The following ANO2 variants were observed in gnomAD, a reference collection of about 807,000 sequenced individuals.
The protein encoded by ANO2 is anoctamin 2, also known as anoctamin-2.
Under a neutral mutation model 124.2 loss-of-function variants are expected in ANO2, and 101 were observed. That is an observed-to-expected ratio of 0.81 (90% CI 0.69 to 0.96). The LOEUF is 0.96. Among genes scored for constraint, ANO2 ranks in the 40% least tolerant of loss-of-function variants. The pLI is 0.00. For missense variants in ANO2, 1,293 were observed against 1,274.5 expected, an observed-to-expected ratio of 1.01 and a Z score of -0.22; for synonymous variants, 486 against 482.5, an observed-to-expected ratio of 1.01 and a Z score of -0.09.
intron 14 of ANO2, among the ~76,000 whole-genome samples, chr12:5,712,894 T>C (rs1591970980): frequency 2.0e-5 from 3 of 152,142 alleles, no homozygotes; most frequent in Non-Finnish European, 2.9e-5. Context: ...AAGAGGCTCA[T>C]GTCAGGGAGT....
At chr12:5,603,944 C>CAAAAAAAAAA (rs63415160) in intron 19 of ANO2, among the ~76,000 whole-genome samples, 14 of 74,090 alleles carry the variant, frequency 1.9e-4, no homozygotes, top group Non-Finnish European at 3.1e-4. Context: ...GATTCCGTCT[C>CAAAAAAAAAA]AAAAAAAAAA....
chr12:5,874,653 T>C (rs2137286994), intron 3 of ANO2, among the ~76,000 whole-genome samples: 1 of 152,322 alleles, frequency 6.6e-6, no homozygotes, highest in African/African-American at 2.4e-5. Context: ...CCTTCTGGCA[T>C]CCGCTTCCCA....
At chr12:5,910,011 T>A (rs561469736) in intron 3 of ANO2, among the ~76,000 whole-genome samples, 38 of 152,334 alleles carry the variant, frequency 2.5e-4, no homozygotes, top group Admixed American at 2.0e-4. Flanking sequence ...ATCCAAATAG[T>A]TAAACATAAA....
chr12:5,624,141 A>G (rs1266312349), intron 16 of ANO2, among the ~76,000 whole-genome samples: 1 of 152,182 alleles, frequency 6.6e-6, no homozygotes, highest in Non-Finnish European at 1.5e-5. Flanking sequence ...GCAAAGGAGC[A>G]TGAGACCTAC....
intron 23 of ANO2, among the ~76,000 whole-genome samples, chr12:5,566,771 T>C (rs1941789280): frequency 6.6e-6 from 1 of 152,186 alleles, no homozygotes; most frequent in South Asian, 2.1e-4. Context: ...TTGAAGTGTG[T>C]GGCCAGAGTC....
chr12:5,644,686 A>G (rs529543791), intron 15 of ANO2, among the ~76,000 whole-genome samples: 25 of 152,342 alleles, frequency 1.6e-4, no homozygotes, highest in South Asian at 1.2e-3. Context: ...TTCTAAAACC[A>G]TGGTCTTCCA....
chr12:5,926,279 T>C (rs181173453), intron 1 of ANO2, among the ~76,000 whole-genome samples: 1 of 152,306 alleles, frequency 6.6e-6, no homozygotes. Context: ...GTGCCAGCTG[T>C]CAGCCTCCTT....
intron 12 of ANO2, among the ~76,000 whole-genome samples, 197 bp from the exon 13 acceptor site, chr12:5,739,596 T>TACACACACACAC (rs71064167): frequency 0.035 from 5,072 of 145,078 alleles, 135 homozygotes; most frequent in South Asian, 0.096. Flanking sequence ...ATAGATATGT[T>TACACACACACAC]ACACACACAC....
intron 19 of ANO2, among the ~76,000 whole-genome samples, chr12:5,600,015 A>G (rs757575267): frequency 2.0e-5 from 3 of 152,186 alleles, no homozygotes; most frequent in Non-Finnish European, 4.4e-5. Flanking sequence ...CTCCTAGGTG[A>G]AACATTTTTC....
At chr12:5,620,539 T>G (rs1468636767) in intron 16 of ANO2, among the ~76,000 whole-genome samples, 1 of 152,088 alleles carries the variant, frequency 6.6e-6, no homozygotes, top group African/African-American at 2.4e-5. Flanking sequence ...AGGGGCTAAA[T>G]TGGAATTCTA....
intron 20 of ANO2, among the ~76,000 whole-genome samples, chr12:5,579,023 G>C (rs538734368): frequency 7.9e-5 from 12 of 152,330 alleles, no homozygotes; most frequent in African/African-American, 2.9e-4. Context: ...AAGTGACTAG[G>C]TTTGGCCCAC....
intron 17 of ANO2, among the ~76,000 whole-genome samples, chr12:5,614,744 C>G (rs1313807272): frequency 6.6e-6 from 1 of 152,140 alleles, no homozygotes. Flanking sequence ...CTGCCGGTGG[C>G]CTGAGAATCC....
In ANO2 at chr12:5,654,508, C is replaced by T. The variant is rs140581639; in HGVS notation, c.1546-6707G>A. 2.3e-3 allele frequency among the ~76,000 whole-genome samples: 344 copies of T among 152,304 alleles called. 7 individuals are homozygous for T. In the East Asian group the frequency reaches 0.048, roughly 21 times the overall value. Reference sequence around the variant, plus strand: ...GAGCTGAGGTGCTGTCTGCCTATCACTTCCAAGCCTTTACTCTTCTGTCTA... The same window carrying T: ...GAGCTGAGGTGCTGTCTGCCTATCATTTCCAAGCCTTTACTCTTCTGTCTA... On this transcript the variant is annotated intron_variant, in intron 14 of 24. Coordinates refer to ENST00000682330, the MANE Select transcript of ANO2 (RefSeq NM_001364791.2).
At chr12:5,577,028 C>T (rs1006594362) in intron 22 of ANO2, among the ~76,000 whole-genome samples, 6 of 152,226 alleles carry the variant, frequency 3.9e-5, no homozygotes, top group South Asian at 2.1e-4. Flanking sequence ...TAAGACTGCA[C>T]GTCATTTCGT....
At chr12:5,727,930 C>T (rs1245301683) in intron 14 of ANO2, among the ~76,000 whole-genome samples, 1 of 152,132 alleles carries the variant, frequency 6.6e-6, no homozygotes, top group East Asian at 1.9e-4. Context: ...CCTCAGCCTC[C>T]CAAACAGCTG....
At position 5,563,355 on chromosome 12, in the gene ANO2, C is replaced by A. The variant is rs766064326; in HGVS notation, c.2941G>T (p.Gly981Cys). ...RSRAASSAPS[G>C]QSQLGSMMSS... The stretch of plus-strand genomic sequence containing the variant: ...ATCATGCTGCCCAGCTGGCTTTGGC[C>A]TGAAGGTGCTGAGCTGGCTGCCCGG... Residue 981 changes from glycine (G) to cysteine (C), a missense_variant, in exon 25 of 25, where the codon GGC becomes TGC. Transcript: ENST00000682330. The A allele has an allele frequency of 2.5e-6, 4 of 1,605,196 alleles. No homozygotes were observed. In the South Asian group the frequency reaches 4.5e-5, roughly 18 times the overall value.
intron 14 of ANO2, among the ~76,000 whole-genome samples, chr12:5,648,143 G>C (rs189493979): frequency 1.3e-5 from 2 of 152,202 alleles, no homozygotes; most frequent in African/African-American, 2.4e-5. Context: ...AATTGGGCAC[G>C]GTAGTGATAC....
intron 16 of ANO2, among the ~76,000 whole-genome samples, chr12:5,624,556 C>T (rs1220388503): frequency 6.6e-6 from 1 of 152,126 alleles, no homozygotes; most frequent in Non-Finnish European, 1.5e-5. Context: ...CTCAGCCCAC[C>T]CCTCATGTCT....
At chr12:5,578,295 T>C (rs991248855) in intron 21 of ANO2, 71 bp downstream of exon 21, 2 of 1,553,236 alleles carry the variant, frequency 1.3e-6, no homozygotes, top group African/African-American at 1.4e-5. Flanking sequence ...CCTGGTGTGG[T>C]GTGACTGTGG....
Sources: allele counts gnomAD v4.1 joint callset (sites outside exome capture counted in the v4.1 genomes callset), GRCh38; gene constraint gnomAD v4.1.1; transcripts MANE v1.5; gene names NCBI Gene and HGNC (gene_info 2026-07-23, HGNC 2026-07-21).